The following RIF1 variants were observed in gnomAD, a reference collection of about 807,000 sequenced individuals.
The protein encoded by RIF1 is telomere-associated protein RIF1.
RIF1 carries 45 observed loss-of-function variants against 247.1 expected under a neutral mutation model. The observed-to-expected ratio is 0.18, with a 90% CI of 0.14 to 0.23. The LOEUF is 0.23. Among genes scored for constraint, RIF1 ranks in the 10% least tolerant of loss-of-function variants. The probability of loss-of-function intolerance (pLI) is 1.00; values close to 1 mark genes in which losing one functional copy is unlikely to be tolerated. For missense variants in RIF1, 2,967 were observed against 2,862.5 expected (o/e 1.04, Z -0.83); for synonymous variants, 1,087 against 978.8 (o/e 1.11, Z -2.06).
chr2:151,437,803 A>G (rs1418388448), intron 13 of RIF1, among the ~76,000 whole-genome samples: 1 of 152,238 alleles, frequency 6.6e-6, no homozygotes, highest in Non-Finnish European at 1.5e-5. Flanking sequence ...GTAACATACC[A>G]TGTTAGTTCA....
Position 151,487,850 on chromosome 2 carries a change from C to T in RIF1, c.*415+4515C>T, listed in dbSNP as rs138178619. Among the ~76,000 whole-genome samples the T allele has an allele frequency of 2.3e-3, 353 of 152,230 alleles. 1 individual carries two copies. Among genetic ancestry groups the T allele is most frequent in the African/African-American group, 8.3e-3 (344 of 41,528 alleles). On this transcript the variant is annotated intron_variant and NMD_transcript_variant, in intron 9 of 13. Transcript: ENST00000454583. Reference sequence around the variant, plus strand: ...TAGGCTGGTCTTAAACTCCTGGACTCAAGCAGTCCTCCCACCTCCTAAAGT... The same window carrying T: ...TAGGCTGGTCTTAAACTCCTGGACTTAAGCAGTCCTCCCACCTCCTAAAGT...
intron 9 of RIF1, among the ~76,000 whole-genome samples, chr2:151,431,167 A>G (rs994449128): frequency 2.6e-5 from 4 of 152,204 alleles, no homozygotes; most frequent in Non-Finnish European, 5.9e-5. Context: ...GGATCCGGGA[A>G]GTCATCAAGG....
chr2:151,474,032 AAAT>A lies in RIF1; in HGVS notation c.7167_7169del (p.Asn2389del), dbSNP rs754760124. ...CTGAAAAAACAGTAAATGGAATAGA[AAAT>A]AAATCTTTGTCACCTGATGAAGAAA... On this transcript the variant is annotated inframe_deletion, in exon 35 of 36. Transcript: ENST00000444746. 1.6e-5 allele frequency: 26 copies of A among 1,585,062 alleles called. No homozygotes were observed. The African/African-American group carries it at 3.1e-4, about 19-fold the overall frequency.
chr2:151,516,676 C>T, the RIF1 span: 1 of 727,776 alleles, frequency 1.4e-6, no homozygotes, highest in Non-Finnish European at 2.4e-6. Flanking sequence ...CATCTCATTG[C>T]CACTCAAAAC....
At chr2:151,421,348 G>A (rs1177845049) in intron 7 of RIF1, among the ~76,000 whole-genome samples, 1 of 152,170 alleles carries the variant, frequency 6.6e-6, no homozygotes, top group African/African-American at 2.4e-5. Context: ...GGCAGAGTAG[G>A]AGTTACCCAT....
In RIF1 at chr2:151,467,882, G is replaced by A. The variant is rs1036808082; in HGVS notation, c.6601-118G>A. 9 of 901,846 alleles carry A rather than the reference G, an allele frequency of 1.0e-5. No individual in the cohort carries two copies. In the African/African-American group the frequency reaches 1.2e-4, roughly 12 times the overall value. 55.9% of individuals were successfully genotyped at this position (901,846 alleles called of 1,614,324 possible). A position where few individuals can be genotyped will look rare whatever the true frequency, so the allele number is the denominator to read the frequency against. ...CTAGGAACTGTGCAGCTGACTTCTG[G>A]TGAAATAAATTTTCTAAACCCACAT... On this transcript the variant is annotated intron_variant, in intron 30 of 35. Coordinates refer to ENST00000444746, the MANE Select transcript of RIF1 (RefSeq NM_018151.5).
At chr2:151,512,467 C>T (rs1451349485), downstream of RIF1, among the ~76,000 whole-genome samples, 1 of 152,090 alleles carries the variant, frequency 6.6e-6, no homozygotes, top group Non-Finnish European at 1.5e-5. Context: ...CTGGGACTGG[C>T]GTGCACCACC....
intron 8 of RIF1, 92 bp from the exon 9 acceptor site, chr2:151,428,692 A>T: frequency 3.1e-6 from 3 of 967,552 alleles, no homozygotes; most frequent in Middle Eastern, 2.5e-4. Flanking sequence ...AAGTCCTAAG[A>T]GCATCTGTTA....
chr2:151,529,460 T>C, the RIF1 span: 1 of 641,636 alleles, frequency 1.6e-6, no homozygotes, highest in Non-Finnish European at 2.8e-6. Flanking sequence ...GGAGCAAGGA[T>C]ACAGCCATGC....
At chr2:151,489,889 C>A in intron 9 of RIF1, 12 of 1,044,006 alleles carry the variant, frequency 1.1e-5, no homozygotes, top group Middle Eastern at 2.1e-4. Flanking sequence ...TAAAAAAAAC[C>A]GTAATACCTA....
intron 9 of RIF1, chr2:151,494,025 G>T: frequency 1.1e-6 from 1 of 898,092 alleles, no homozygotes; most frequent in Non-Finnish European, 1.8e-6. Context: ...TACAGTAAAT[G>T]TAGTGTGATA....
chr2:151,425,129 A>G (rs1464448000), intron 8 of RIF1, among the ~76,000 whole-genome samples: 1 of 151,974 alleles, frequency 6.6e-6, no homozygotes, highest in Non-Finnish European at 1.5e-5. Flanking sequence ...GATTTGGTAT[A>G]GATTTGCATT....
chr2:151,411,942 C>T (rs939904219), intron 3 of RIF1, among the ~76,000 whole-genome samples: 3 of 152,226 alleles, frequency 2.0e-5, no homozygotes, highest in Non-Finnish European at 4.4e-5. Flanking sequence ...GCACTTGAAT[C>T]TGAGTTTGTG....
chr2:151,491,887 C>T (rs2056890958), intron 9 of RIF1: 2 of 1,027,820 alleles, frequency 1.9e-6, no homozygotes. Context: ...CTTATTCCAG[C>T]TTAGGTTCTG....
At chr2:151,516,141 T>A in the RIF1 span, among the ~76,000 whole-genome samples, 1 of 152,188 alleles carries the variant, frequency 6.6e-6, no homozygotes, top group Non-Finnish European at 1.5e-5. Context: ...GGTGTCTGTG[T>A]GGAGGGAACT....
rs149117302 is a variant in RIF1 at position 151,457,658 on chromosome 2, G to T, written c.2653-103G>T. ...ATATATATTTAAGGCAACAGTGGGG[G>T]TTAGTTTAAAATTGTCTTAATTTTA... On this transcript the variant is annotated intron_variant, in intron 23 of 35. Transcript: ENST00000444746. 2.0e-3 allele frequency: 1,478 copies of T among 757,784 alleles called. 26 individuals are homozygous for T. The East Asian group carries it at 0.035, about 18-fold the overall frequency. 46.9% of individuals were successfully genotyped at this position (757,784 alleles called of 1,614,324 possible).
intron 20 of RIF1, among the ~76,000 whole-genome samples, chr2:151,450,596 T>C (rs889016398): frequency 2.0e-5 from 3 of 149,592 alleles, no homozygotes; most frequent in Non-Finnish European, 4.5e-5. Context: ...AATTCTTTCT[T>C]TTTTTTTTTG....
At chr2:151,436,713 C>A in intron 11 of RIF1, 114 bp from the exon 12 acceptor site, 1 of 766,900 alleles carries the variant, frequency 1.3e-6, no homozygotes, top group Non-Finnish European at 2.0e-6. Context: ...GGATTAATGC[C>A]TGAGACATTT....
the RIF1 span, chr2:151,532,101 T>C: frequency 2.2e-6 from 1 of 464,732 alleles, no homozygotes; most frequent in Non-Finnish European, 3.8e-6. Context: ...AATTTCCTTT[T>C]TTTGTTTCCC....
Sources: allele counts gnomAD v4.1 joint callset (sites outside exome capture counted in the v4.1 genomes callset), GRCh38; gene constraint gnomAD v4.1.1; transcripts MANE v1.5; gene names NCBI Gene and HGNC (gene_info 2026-07-23, HGNC 2026-07-21).